The following ELOVL5 variants were observed in gnomAD, a reference collection of about 807,000 sequenced individuals.
The protein encoded by ELOVL5 is very long chain fatty acid elongase 5.
In ELOVL5, 8 loss-of-function variants were observed where a neutral mutation model predicts 38.6. The ratio of observed to expected loss-of-function variants is 0.21; its 90% CI spans 0.12 to 0.37. The LOEUF (loss-of-function observed/expected upper bound fraction) is 0.37. ELOVL5 is among the 10% of genes least tolerant of loss of function. ELOVL5 has a pLI of 1.00. For synonymous variants in ELOVL5, 127 were observed against 133.7 expected (o/e 0.95, Z 0.34); for missense variants, 280 against 367.8 (o/e 0.76, Z 1.95).
At chr6:53,305,880 C>T (rs561336707) in intron 1 of ELOVL5, among the ~76,000 whole-genome samples, 1 of 152,024 alleles carries the variant, frequency 6.6e-6, no homozygotes, top group Non-Finnish European at 1.5e-5. Flanking sequence ...TGTAGCGAGC[C>T]GAGATCACGC....
intron 1 of ELOVL5, among the ~76,000 whole-genome samples, chr6:53,324,804 A>C (rs189925586): frequency 5.4e-4 from 82 of 151,032 alleles, no homozygotes; most frequent in Middle Eastern, 3.4e-3. Context: ...CTATCATACC[A>C]AAAAAAAATC....
intron 2 of ELOVL5, chr6:53,293,975 G>T: frequency 1.7e-6 from 1 of 577,142 alleles, no homozygotes; most frequent in Non-Finnish European, 2.4e-6. Context: ...TCTCAGCTTT[G>T]GGCCTTGGCT....
chr6:53,303,880 T>C (rs1767369527), intron 1 of ELOVL5, among the ~76,000 whole-genome samples: 1 of 152,230 alleles, frequency 6.6e-6, no homozygotes, highest in South Asian at 2.1e-4. Context: ...CAGTGGCTGT[T>C]ATCTGTGGTC....
chr6:53,305,889 G>A (rs1767516657), intron 1 of ELOVL5, among the ~76,000 whole-genome samples: 2 of 151,860 alleles, frequency 1.3e-5, no homozygotes, highest in South Asian at 4.1e-4. Flanking sequence ...CCGAGATCAC[G>A]CCACTGCACT....
chr6:53,293,165 GT>G (rs1402634740), intron 2 of ELOVL5, among the ~76,000 whole-genome samples: 4 of 152,072 alleles, frequency 2.6e-5, no homozygotes, highest in Non-Finnish European at 5.9e-5. Flanking sequence ...CTGCTATGAT[GT>G]TCCCCGAAAA....
At chr6:53,336,788 G>A (rs904970370) in intron 1 of ELOVL5, among the ~76,000 whole-genome samples, 29 of 152,190 alleles carry the variant, frequency 1.9e-4, no homozygotes, top group Non-Finnish European at 3.7e-4. Flanking sequence ...GCCCTAACAG[G>A]TAATATGCAG....
intron 3 of ELOVL5, among the ~76,000 whole-genome samples, chr6:53,280,998 T>C (rs1333269241): frequency 1.3e-5 from 2 of 152,176 alleles, no homozygotes; most frequent in Non-Finnish European, 2.9e-5. Context: ...TCCATGGCAC[T>C]TTCTGGAATG....
At chr6:53,316,480 T>C (rs1768048480) in intron 1 of ELOVL5, among the ~76,000 whole-genome samples, 1 of 151,836 alleles carries the variant, frequency 6.6e-6, no homozygotes, top group Non-Finnish European at 1.5e-5. Flanking sequence ...AAAAACAATG[T>C]TGGAGAAGGA....
chr6:53,325,336 A>G (rs9357760), intron 1 of ELOVL5, among the ~76,000 whole-genome samples: 55,257 of 151,656 alleles, frequency 0.36, 11,159 homozygotes, highest in African/African-American at 0.55. Flanking sequence ...TTACTGTGTC[A>G]TAAGCCAAAT....
intron 3 of ELOVL5, among the ~76,000 whole-genome samples, chr6:53,277,948 G>T (rs1447861609): frequency 2.0e-5 from 3 of 152,188 alleles, no homozygotes; most frequent in African/African-American, 7.2e-5. Flanking sequence ...GGTGCTTCTT[G>T]ATGAAATGTT....
At position 53,319,311 on chromosome 6, in the gene ELOVL5, A is replaced by AAAAAAAAAAAAAAAC. The variant is rs1768200840; in HGVS notation, c.-8-23605_-8-23604insGTTTTTTTTTTTTTT. Among the ~76,000 whole-genome samples, 3 of 137,214 alleles carry AAAAAAAAAAAAAAAC rather than the reference A, an allele frequency of 2.2e-5. 1 individual carries two copies. Among genetic ancestry groups the AAAAAAAAAAAAAAAC allele is most frequent in the Admixed American group, 1.9e-4 (2 of 10,656 alleles). The allele number at this position is 137,214 out of a possible 152,430, so 90.0% of individuals were successfully genotyped here. A position where few individuals can be genotyped will look rare whatever the true frequency, so the allele number is the denominator to read the frequency against. On this transcript the variant is annotated intron_variant, in intron 1 of 7. Transcript: ENST00000304434. ...AAAAAAAAAAAAAAAAAAAAAAAAAAAAAAAGAAAGAAAGAAAAAGGAAAT... is the reference window on the plus strand; with the variant it reads ...AAAAAAAAAAAAAAAAAAAAAAAAAAAAAAAAAAAAAAAACAAAAAGAAAGAAAGAAAAAGGAAAT...
At chr6:53,273,371 GA>G (rs772938060) in intron 5 of ELOVL5, 27 bp from the exon 6 acceptor site, 16 of 1,610,036 alleles carry the variant, frequency 9.9e-6, no homozygotes, top group Non-Finnish European at 1.3e-5. Context: ...ATTTGGGAAG[GA>G]GAATGTATTA....
chr6:53,333,838 C>T (rs1489845946), intron 1 of ELOVL5, among the ~76,000 whole-genome samples: 3 of 152,130 alleles, frequency 2.0e-5, no homozygotes, highest in Admixed American at 6.6e-5. Context: ...ATACTTGGTG[C>T]AGTATTCACT....
intron 2 of ELOVL5, 35 bp downstream of exon 2, chr6:53,295,607 C>G: frequency 6.8e-7 from 1 of 1,479,980 alleles, no homozygotes; most frequent in Non-Finnish European, 9.3e-7. Flanking sequence ...GGGAGTGATG[C>G]TGCAGAAGGT....
chr6:53,282,108 A>C (rs1326223615), intron 3 of ELOVL5, among the ~76,000 whole-genome samples: 1 of 152,226 alleles, frequency 6.6e-6, no homozygotes, highest in Non-Finnish European at 1.5e-5. Flanking sequence ...GCATTAGATT[A>C]GTTAGCCCAA....
At chr6:53,285,560 AC>A (rs141001850) in intron 3 of ELOVL5, among the ~76,000 whole-genome samples, 54,988 of 151,904 alleles carry the variant, frequency 0.36, 11,011 homozygotes, top group African/African-American at 0.55. Flanking sequence ...ACATGGCTAC[AC>A]TAAACTGTAG....
At chr6:53,295,766 T>A in intron 1 of ELOVL5, 59 bp from the exon 2 acceptor site, 1 of 1,054,238 alleles carries the variant, frequency 9.5e-7, no homozygotes, top group South Asian at 1.5e-5. Context: ...TTATACAGTA[T>A]TTTTTCATAA....
intron 3 of ELOVL5, among the ~76,000 whole-genome samples, chr6:53,285,563 A>G (rs74404569): frequency 1.3e-5 from 2 of 151,822 alleles, no homozygotes; most frequent in African/African-American, 4.9e-5. Flanking sequence ...TGGCTACACT[A>G]AACTGTAGCA....
At chr6:53,345,434 G>A (rs1164345843) in intron 1 of ELOVL5, among the ~76,000 whole-genome samples, 1 of 136,424 alleles carries the variant, frequency 7.3e-6, no homozygotes, top group Non-Finnish European at 1.7e-5. Context: ...AAAGATATAA[G>A]TGTCCCAGAA....
Sources: allele counts gnomAD v4.1 joint callset (sites outside exome capture counted in the v4.1 genomes callset), GRCh38; gene constraint gnomAD v4.1.1; transcripts MANE v1.5; gene names NCBI Gene and HGNC (gene_info 2026-07-23, HGNC 2026-07-21).